ASTN1: variants seen among roughly 807,000 people sequenced by gnomAD.
ASTN1 encodes astrotactin-1.
Under a neutral mutation model 140.7 loss-of-function variants are expected in ASTN1, and 41 were observed. The observed-to-expected ratio is 0.29, with a 90% confidence interval of 0.23 to 0.38. ASTN1 has a LOEUF of 0.38. Ranked by LOEUF, ASTN1 falls within the 10% of genes least tolerant of loss-of-function variation. The probability of loss-of-function intolerance (pLI) is 1.00; values close to 1 mark genes in which losing one functional copy is unlikely to be tolerated. For missense variants in ASTN1, 1,479 were observed against 1,678.8 expected (o/e 0.88, Z 2.08); for synonymous variants, 640 against 652.2 (o/e 0.98, Z 0.29).
intron 1 of ASTN1, among the ~76,000 whole-genome samples, chr1:177,106,579 T>C (rs957775668): frequency 3.3e-5 from 5 of 152,182 alleles, no homozygotes; most frequent in African/African-American, 9.6e-5. Context: ...CTTATAAATT[T>C]TGCTGAAAGT....
chr1:176,993,001 A>G (rs1674258576), intron 8 of ASTN1, among the ~76,000 whole-genome samples: 2 of 152,232 alleles, frequency 1.3e-5, no homozygotes, highest in Admixed American at 1.3e-4. Context: ...GAAGAGGAAT[A>G]GACAACGCCA....
At chr1:176,966,692 T>C (rs1019269613) in intron 8 of ASTN1, among the ~76,000 whole-genome samples, 15 of 151,998 alleles carry the variant, frequency 9.9e-5, no homozygotes, top group Non-Finnish European at 2.9e-5. Context: ...CATAATACAG[T>C]ATTGCATATT....
At chr1:176,987,911 G>T (rs1377678421) in intron 8 of ASTN1, among the ~76,000 whole-genome samples, 2 of 152,298 alleles carry the variant, frequency 1.3e-5, no homozygotes, top group East Asian at 3.9e-4. Flanking sequence ...CAGGATATGT[G>T]TGAACTCTGG....
chr1:176,868,937 G>A lies in ASTN1; in HGVS notation c.3554C>T (p.Ser1185Phe). The A allele has an allele frequency of 8.1e-6, 13 of 1,612,646 alleles. No individual in the cohort carries two copies. Among genetic ancestry groups the A allele is most frequent in the Non-Finnish European group, 1.1e-5 (13 of 1,179,010 alleles). Reference protein sequence around the residue: ...TAYNTLLDLGSPTLHRVLYHY... With the variant: ...TAYNTLLDLGFPTLHRVLYHY... ...GTAGAGGACCCGGTGTAAGGTGGGG[G>A]AACCCAGATCCAGGAGGGTGTTGTA... The change falls in exon 22 of 23, where the codon TCC becomes TTC. Residue 1185 changes from serine to phenylalanine, a missense_variant. Physicochemically the swap from Ser to Phe is radical, Grantham distance 155 (BLOSUM62 -2). This residue lies in a region of ASTN1 where 746 missense variants were observed against 800.9 expected (regional missense o/e 0.93). Transcript: ENST00000361833.
At chr1:176,931,856 C>T (rs1373567985) in intron 16 of ASTN1, among the ~76,000 whole-genome samples, 1 of 152,148 alleles carries the variant, frequency 6.6e-6, no homozygotes, top group Non-Finnish European at 1.5e-5. Context: ...AGGCAAAGAA[C>T]CTACTCATGA....
chr1:177,114,389 G>T (rs1680975120), intron 1 of ASTN1, among the ~76,000 whole-genome samples: 1 of 151,828 alleles, frequency 6.6e-6, no homozygotes. Context: ...AGCCACATGG[G>T]CAATGGATTT....
chr1:177,055,125 A>G (rs1677736093), intron 2 of ASTN1, among the ~76,000 whole-genome samples: 1 of 152,220 alleles, frequency 6.6e-6, no homozygotes, highest in African/African-American at 2.4e-5. Flanking sequence ...TGAGATAATG[A>G]AGCTTCCAAA....
chr1:176,978,238 A>G (rs897718524), intron 8 of ASTN1, among the ~76,000 whole-genome samples: 7 of 152,212 alleles, frequency 4.6e-5, no homozygotes, highest in Non-Finnish European at 1.0e-4. Context: ...AATTAAAGCC[A>G]TAACATGATG....
intron 8 of ASTN1, among the ~76,000 whole-genome samples, chr1:176,987,892 G>A (rs1336820065): frequency 3.3e-5 from 5 of 152,176 alleles, no homozygotes; most frequent in African/African-American, 7.2e-5. Context: ...AAGAGGATTT[G>A]GCAACTAACA....
chr1:176,917,075 C>T (rs866270327), intron 16 of ASTN1, among the ~76,000 whole-genome samples: 29 of 152,196 alleles, frequency 1.9e-4, no homozygotes, highest in Non-Finnish European at 1.0e-4. Context: ...CGGTAGCACT[C>T]CTGCTAGGAA....
chr1:176,915,077 TAAAA>T (rs1261037299), intron 16 of ASTN1, among the ~76,000 whole-genome samples: 1 of 152,200 alleles, frequency 6.6e-6, no homozygotes, highest in Non-Finnish European at 1.5e-5. Flanking sequence ...TGAAAACCAT[TAAAA>T]TTCTAATATT....
At chr1:176,975,285 C>A (rs997615943) in intron 8 of ASTN1, among the ~76,000 whole-genome samples, 1 of 152,114 alleles carries the variant, frequency 6.6e-6, no homozygotes, top group Non-Finnish European at 1.5e-5. Flanking sequence ...TGTTATTATC[C>A]CCAAGTGGCA....
At chr1:177,029,496 T>C (rs1490657716) in intron 5 of ASTN1, 138 bp downstream of exon 5, 17 of 876,118 alleles carry the variant, frequency 1.9e-5, no homozygotes, top group Non-Finnish European at 2.9e-5. Context: ...GAAACACCAG[T>C]TGTGGTCCAA....
chr1:177,058,693 AT>A (rs1677928672), intron 2 of ASTN1, among the ~76,000 whole-genome samples: 1 of 152,074 alleles, frequency 6.6e-6, no homozygotes, highest in Admixed American at 6.6e-5. Flanking sequence ...TATTTTTTAA[AT>A]TTTGTATTTC....
chr1:177,082,493 G>A (rs1679227765), intron 1 of ASTN1, among the ~76,000 whole-genome samples: 1 of 152,108 alleles, frequency 6.6e-6, no homozygotes, highest in African/African-American at 2.4e-5. Flanking sequence ...AAGCTCTTCT[G>A]AAGTAGCCCC....
chr1:177,156,878 C>T (rs1490670000), intron 1 of ASTN1, among the ~76,000 whole-genome samples: 2 of 152,224 alleles, frequency 1.3e-5, no homozygotes, highest in East Asian at 3.9e-4. Flanking sequence ...TTTATAGCTT[C>T]CTTCTCCAAA....
At chr1:176,881,179 A>G (rs1352227056) in intron 20 of ASTN1, among the ~76,000 whole-genome samples, 2 of 152,172 alleles carry the variant, frequency 1.3e-5, no homozygotes, top group Non-Finnish European at 2.9e-5. Context: ...CTGCAGCGCC[A>G]CCTGGTGGAG....
At chr1:176,947,094 T>C (rs1671991979) in intron 12 of ASTN1, among the ~76,000 whole-genome samples, 1 of 152,216 alleles carries the variant, frequency 6.6e-6, no homozygotes, top group Non-Finnish European at 1.5e-5. Flanking sequence ...CAAGGAATAA[T>C]ATAGCGAGAA....
rs1668034028 is a variant in ASTN1 at position 176,863,516 on chromosome 1, C to T, written c.*768G>A. 2.0e-6 allele frequency: 2 copies of T among 985,388 alleles called. No homozygotes were observed. Among genetic ancestry groups the T allele is most frequent in the Non-Finnish European group, 2.4e-6 (2 of 829,940 alleles). 61.0% of individuals were successfully genotyped at this position (985,388 alleles called of 1,614,324 possible). On this transcript the variant is annotated 3_prime_UTR_variant, in exon 23 of 23. Transcript: ENST00000361833. ...ACTGCTAACTAGTCTCCCAGGTAGA[C>T]TTTTCTGAAGGTGCAGTTGACAGAT... is the stretch of plus-strand genomic sequence containing the variant.
Sources: gnomAD v4.1 joint callset for allele counts (sites outside exome capture counted in the v4.1 genomes callset) on GRCh38, gnomAD v4.1.1 for gene constraint, gnomAD v4.1.1 regional missense constraint, MANE v1.5 for transcripts, NCBI Gene and HGNC (gene_info 2026-07-23, HGNC 2026-07-21) for gene names.